NBEAL1: variants seen among roughly 807,000 people sequenced by gnomAD.
NBEAL1 encodes the protein neurobeachin-like protein 1.
NBEAL1 carries 273 observed loss-of-function variants against 351.3 expected under a neutral mutation model. The observed-to-expected ratio is 0.78, with a 90% confidence interval of 0.70 to 0.86. The LOEUF is 0.86. Ranked by LOEUF, NBEAL1 falls within the 40% of genes least tolerant of loss-of-function variation. NBEAL1 has a pLI of 0.00. For synonymous variants in NBEAL1, 1,050 were observed against 1,086.4 expected, an observed-to-expected ratio of 0.97 and a Z score of 0.66; for missense variants, 2,961 against 3,201.3, an observed-to-expected ratio of 0.92 and a Z score of 1.81.
At chr2:203,129,008 T>A (rs2063012132) in intron 24 of NBEAL1, among the ~76,000 whole-genome samples, 1 of 152,226 alleles carries the variant, frequency 6.6e-6, no homozygotes, top group African/African-American at 2.4e-5. Context: ...AACTACCCTT[T>A]AAGTTAGTGG....
At chr2:203,041,907 C>A in intron 3 of NBEAL1, 51 bp downstream of exon 3, 4 of 1,222,168 alleles carry the variant, frequency 3.3e-6, no homozygotes, top group Non-Finnish European at 4.7e-6. Context: ...TCATTTTTGG[C>A]ACAAAGATTT....
chr2:203,170,109 G>A (rs973604431), intron 39 of NBEAL1, among the ~76,000 whole-genome samples: 1 of 152,058 alleles, frequency 6.6e-6, no homozygotes, highest in East Asian at 1.9e-4. Context: ...AGTGGCTCAC[G>A]CCTGTAATCC....
intron 19 of NBEAL1, among the ~76,000 whole-genome samples, chr2:203,124,462 A>C (rs2062896280): frequency 6.6e-6 from 1 of 152,194 alleles, no homozygotes; most frequent in Admixed American, 6.5e-5. Context: ...AAATAAGTAG[A>C]TTTTAGCTGC....
chr2:203,157,195 T>A (rs1270681473), intron 35 of NBEAL1, among the ~76,000 whole-genome samples: 2 of 152,176 alleles, frequency 1.3e-5, no homozygotes, highest in African/African-American at 4.8e-5. Context: ...TTACATGTAT[T>A]GCATATAATT....
chr2:203,151,536 C>A lies in NBEAL1; in HGVS notation c.5534C>A (p.Pro1845Gln), dbSNP rs748954377. The A allele has an allele frequency of 1.2e-6, 2 of 1,610,204 alleles. No homozygotes were observed. Among genetic ancestry groups the A allele is most frequent in the Non-Finnish European group, 1.7e-6 (2 of 1,178,246 alleles). The change falls in exon 35 of 56, where the codon CCG becomes CAG. Residue 1845 changes from proline to glutamine, a missense_variant. Pro to Gln is a moderately conservative substitution (Grantham distance 76, BLOSUM62 -1). Transcript: ENST00000683969. Reference protein sequence around the residue: ...NYSRMRLKLVPNYNFKTHEEA... With the variant: ...NYSRMRLKLVQNYNFKTHEEA... ...TCCCGCATGAGACTTAAGCTGGTAC[C>A]GAATTATAATTTCAAAACCCATGAG...
chr2:203,198,783 C>T lies in NBEAL1; in HGVS notation c.7129-555C>T, dbSNP rs140054627. On this transcript the variant is annotated intron_variant, in intron 48 of 55. Coordinates refer to ENST00000683969, the MANE Select transcript of NBEAL1 (RefSeq NM_001378026.1). ...GAGGCTGAGGTCAGAGGATTGCTTG[C>T]GCCCGGGAGGTTGTAGTGAGCTGAG... Among the ~76,000 whole-genome samples the T allele has an allele frequency of 1.3e-4, 20 of 150,528 alleles. No homozygotes were observed. The East Asian group carries it at 1.8e-3, about 13-fold the overall frequency.
chr2:203,077,835 C>T lies in NBEAL1; in HGVS notation c.682C>T (p.Gln228Ter). ...HLFGAIVAGGQRNALQAISPA... is the reference protein window; with the variant it reads ...HLFGAIVAGG ...CTTTGGAGCCATTGTAGCCGGTGGG[C>T]AGGTAAGGAAAGTGTTGAAATTTAA... Residue 228 changes from glutamine to a stop codon, truncating the protein, a stop_gained and splice_region_variant, in exon 8 of 56, where the codon CAG becomes TAG. Transcript: ENST00000683969. LOFTEE classifies it high-confidence loss of function. 1 of 1,434,744 alleles carries T rather than the reference C, an allele frequency of 7.0e-7. No homozygotes were observed. Among genetic ancestry groups the T allele is most frequent in the Non-Finnish European group, 9.2e-7 (1 of 1,086,508 alleles). The allele number at this position is 1,434,744 out of a possible 1,614,324, so 88.9% of individuals were successfully genotyped here. A position where few individuals can be genotyped will look rare whatever the true frequency, so the allele number is the denominator to read the frequency against.
chr2:203,057,241 A>G (rs2061419380), intron 5 of NBEAL1, 85 bp from the exon 6 acceptor site: 4 of 1,209,128 alleles, frequency 3.3e-6, no homozygotes, highest in South Asian at 1.5e-5. Context: ...CTCAAAGGGA[A>G]AGTTTGGCTT....
In NBEAL1 at chr2:203,117,979, G is replaced by A. The variant is rs575025749; in HGVS notation, c.2592+1909G>A. Among the ~76,000 whole-genome samples, 236 of 151,978 alleles carry A rather than the reference G, an allele frequency of 1.6e-3. 1 individual carries two copies. The highest frequency in any genetic ancestry group is 2.6e-3 in the Non-Finnish European group (178 of 68,000). On this transcript the variant is annotated intron_variant, in intron 18 of 55. Coordinates refer to ENST00000683969, the MANE Select transcript of NBEAL1 (RefSeq NM_001378026.1). ...GTTGGGATTACAGGAATGAGCCACC[G>A]TGTCTGGCCTTACTTTTAAATATTT...
intron 7 of NBEAL1, chr2:203,074,728 T>G (rs1574933855): frequency 6.0e-6 from 1 of 165,346 alleles, no homozygotes; most frequent in East Asian, 1.6e-4. Context: ...AGCATCATAG[T>G]CAGGAGGCAG....
intron 38 of NBEAL1, among the ~76,000 whole-genome samples, chr2:203,168,488 C>T (rs1334647019): frequency 1.3e-5 from 2 of 152,158 alleles, no homozygotes; most frequent in East Asian, 3.9e-4. Flanking sequence ...GAGGCTGAGG[C>T]AGGAGAATCA....
At chr2:203,099,572 T>G (rs1389865931) in intron 11 of NBEAL1, 57 bp from the exon 12 acceptor site, 1 of 1,144,764 alleles carries the variant, frequency 8.7e-7, no homozygotes, top group Non-Finnish European at 1.3e-6. Context: ...GTTTCCTAAC[T>G]CAATAAAAAT....
chr2:203,016,837 C>G (rs2060688329), intron 2 of NBEAL1, among the ~76,000 whole-genome samples: 2 of 152,148 alleles, frequency 1.3e-5, no homozygotes. Context: ...TTTGAAATTG[C>G]ATCACAAGGT....
At chr2:203,076,209 G>C (rs1001025962) in intron 7 of NBEAL1, among the ~76,000 whole-genome samples, 2 of 152,056 alleles carry the variant, frequency 1.3e-5, no homozygotes, top group African/African-American at 4.8e-5. Flanking sequence ...CAGGCTTGAC[G>C]CAGTGGCTCA....
chr2:203,019,623 A>T lies in NBEAL1; in HGVS notation c.51+3188A>T, dbSNP rs568878054. The stretch of plus-strand genomic sequence containing the variant: ...CCTCCTCCGTATTTGCCACAGTGCT[A>T]ACCTTGGCACAGATATTCCACAGTG... On this transcript the variant is annotated intron_variant, in intron 2 of 55. Transcript: ENST00000683969. Among the ~76,000 whole-genome samples the T allele has an allele frequency of 3.9e-5, 6 of 152,320 alleles. No individual in the cohort carries two copies. The South Asian group carries it at 1.0e-3, about 26-fold the overall frequency.
chr2:203,103,807 C>T (rs1239464177), intron 12 of NBEAL1, among the ~76,000 whole-genome samples: 1 of 152,086 alleles, frequency 6.6e-6, no homozygotes, highest in Non-Finnish European at 1.5e-5. Flanking sequence ...TATGTTGTAT[C>T]TTCTCATTAG....
At chr2:203,075,402 G>C (rs2061754181) in intron 7 of NBEAL1, among the ~76,000 whole-genome samples, 1 of 152,176 alleles carries the variant, frequency 6.6e-6, no homozygotes, top group African/African-American at 2.4e-5. Context: ...ATGTTTTTAT[G>C]TCCTTTTTAT....
intron 45 of NBEAL1, among the ~76,000 whole-genome samples, chr2:203,189,826 A>G (rs2065014465): frequency 6.6e-6 from 1 of 152,086 alleles, no homozygotes; most frequent in African/African-American, 2.4e-5. Flanking sequence ...GAAGAATGGA[A>G]TAATATTTTA....
chr2:203,125,931 T>G, intron 20 of NBEAL1, 29 bp from the exon 21 acceptor site: 1 of 1,473,238 alleles, frequency 6.8e-7, no homozygotes, highest in Non-Finnish European at 9.0e-7. Flanking sequence ...AGAGAAATTA[T>G]GATAATTAAT....
Sources: allele counts gnomAD v4.1 joint callset (sites outside exome capture counted in the v4.1 genomes callset), GRCh38; gene constraint gnomAD v4.1.1; transcripts MANE v1.5; gene names NCBI Gene and HGNC (gene_info 2026-07-23, HGNC 2026-07-21).